The following RAP1GAP variants were observed in gnomAD, a reference collection of about 807,000 sequenced individuals.
The protein encoded by RAP1GAP is RAP1 GTPase activating protein.
In RAP1GAP, 35 loss-of-function variants were observed where a neutral mutation model predicts 87.2. The ratio of observed to expected loss-of-function variants is 0.40; its 90% confidence interval spans 0.31 to 0.53. The LOEUF (loss-of-function observed/expected upper bound fraction) is 0.53. Ranked by LOEUF, RAP1GAP falls within the 20% of genes least tolerant of loss-of-function variation. The pLI is 0.48. For synonymous variants in RAP1GAP, 375 were observed against 363.9 expected, an observed-to-expected ratio of 1.03 and a Z score of -0.35; for missense variants, 734 against 898.9, an observed-to-expected ratio of 0.82 and a Z score of 2.35.
In RAP1GAP at chr1:21,617,516, C is replaced by T. The variant is rs780021789; in HGVS notation, c.106-25G>A. 10 of 1,574,218 alleles carry T rather than the reference C, an allele frequency of 6.4e-6. No individual in the cohort carries two copies. In the African/African-American group the frequency reaches 1.3e-4, roughly 21 times the overall value. On this transcript the variant is annotated intron_variant, in intron 6 of 24. Coordinates refer to ENST00000374765, the MANE Select transcript of RAP1GAP (RefSeq NM_002885.4). ...CCTGAAGAGGGACTCAGCTGAGAGC[C>T]ACCCCACACTGTACCCCACTGGGCG... is the stretch of plus-strand genomic sequence containing the variant.
At position 21,622,272 on chromosome 1, in the gene RAP1GAP, C is replaced by A. The variant is rs10917024; in HGVS notation, c.-18-2222G>T. ...CCTGGCTGGGGCAGAGCCGGCCGGG[C>A]TCCCCAGCAGTCGGGGTGACCCAGC... On this transcript the variant is annotated intron_variant, in intron 3 of 24. Coordinates refer to ENST00000374765, the MANE Select transcript of RAP1GAP (RefSeq NM_002885.4). This position sits in a 1 kb window ranked among gnomAD's most constrained non-coding sequence, Gnocchi z 5.7. 4.1e-3 allele frequency: 1,847 copies of A among 454,982 alleles called. 27 individuals carry two copies. Among genetic ancestry groups the A allele is most frequent in the African/African-American group, 0.033 (1,599 of 48,080 alleles). 28.2% of individuals were successfully genotyped at this position (454,982 alleles called of 1,614,324 possible).
chr1:21,654,595 G>A (rs1316700566), intron 1 of RAP1GAP, among the ~76,000 whole-genome samples: 8 of 152,116 alleles, frequency 5.3e-5, no homozygotes, highest in African/African-American at 1.9e-4. Context: ...CACTTTGGGA[G>A]GCCGAATAGG....
intron 21 of RAP1GAP, 21 bp from the exon 22 acceptor site, chr1:21,598,523 G>A: frequency 6.3e-7 from 1 of 1,590,662 alleles, no homozygotes; most frequent in Non-Finnish European, 8.6e-7. Flanking sequence ...GGTGGAAAGA[G>A]GGAGGGAGGT....
intron 3 of RAP1GAP, among the ~76,000 whole-genome samples, chr1:21,625,482 G>A (rs758511826): frequency 2.0e-5 from 3 of 152,178 alleles, no homozygotes; most frequent in Non-Finnish European, 2.9e-5. Flanking sequence ...CCTCTGGTCA[G>A]ACAGCTTGCA....
chr1:21,611,938 C>T, intron 11 of RAP1GAP, 88 bp downstream of exon 11: 4 of 1,484,556 alleles, frequency 2.7e-6, no homozygotes, highest in African/African-American at 1.4e-5. Flanking sequence ...CTCCTGAGTC[C>T]CTTGGCCGGT....
At chr1:21,608,494 C>T (rs1445788255) in intron 16 of RAP1GAP, 144 bp from the exon 17 acceptor site, 3 of 1,151,428 alleles carry the variant, frequency 2.6e-6, no homozygotes, top group Non-Finnish European at 3.6e-6. Context: ...CCTGCACCGC[C>T]TTCCCCCAGG....
chr1:21,636,013 C>T (rs962633171), intron 2 of RAP1GAP, among the ~76,000 whole-genome samples: 21 of 152,340 alleles, frequency 1.4e-4, no homozygotes, highest in African/African-American at 4.1e-4. Context: ...TCTTCTAAGT[C>T]GCTTCTCTTC....
chr1:21,601,417 G>A (rs2068349341), intron 20 of RAP1GAP, among the ~76,000 whole-genome samples: 1 of 152,212 alleles, frequency 6.6e-6, no homozygotes, highest in Non-Finnish European at 1.5e-5. Flanking sequence ...AACAGCCTAT[G>A]AGGCCGCGTT....
Position 21,611,594 on chromosome 1 carries a change from C to T in RAP1GAP, c.714-13G>A. Reference sequence around the variant, plus strand: ...GCCTCCTCGGAACCTGCCCCGGGGCCCCCCAGGCCACGCCTCAGTCTCCAG... The same window carrying T: ...GCCTCCTCGGAACCTGCCCCGGGGCTCCCCAGGCCACGCCTCAGTCTCCAG... On this transcript the variant is annotated splice_polypyrimidine_tract_variant and intron_variant, in intron 12 of 24. Coordinates refer to ENST00000374765, the MANE Select transcript of RAP1GAP (RefSeq NM_002885.4). 6.2e-7 allele frequency: 1 copy of T among 1,614,024 alleles called. No individual in the cohort carries two copies.
intron 2 of RAP1GAP, 143 bp downstream of exon 2, chr1:21,649,618 G>T: frequency 2.1e-6 from 2 of 939,938 alleles, no homozygotes; most frequent in Non-Finnish European, 1.6e-6. Flanking sequence ...CAGTAAGAGG[G>T]TCTGCCCACC....
chr1:21,655,048 G>A (rs561153375), intron 1 of RAP1GAP, among the ~76,000 whole-genome samples: 12 of 151,428 alleles, frequency 7.9e-5, no homozygotes, highest in African/African-American at 2.9e-4. Flanking sequence ...GCTGAGACAG[G>A]AGAATTGCTT....
intron 17 of RAP1GAP, among the ~76,000 whole-genome samples, chr1:21,607,900 AC>A (rs1036888722): frequency 1.8e-5 from 2 of 111,864 alleles, no homozygotes; most frequent in African/African-American, 7.1e-5. Context: ...CCCTGACTCC[AC>A]CCCCAGCCAC....
At chr1:21,623,946 G>A (rs916510905) in intron 3 of RAP1GAP, among the ~76,000 whole-genome samples, 14 of 152,370 alleles carry the variant, frequency 9.2e-5, no homozygotes, top group African/African-American at 3.4e-4. Context: ...ACGACCGGAT[G>A]TGGCTGTATG....
intron 21 of RAP1GAP, 93 bp downstream of exon 21, chr1:21,599,401 C>T: frequency 1.3e-6 from 2 of 1,505,826 alleles, no homozygotes; most frequent in South Asian, 2.6e-5. Context: ...CTCAGCCACG[C>T]CCAGGCTCGT....
intron 2 of RAP1GAP, among the ~76,000 whole-genome samples, chr1:21,645,069 T>C (rs941976506): frequency 2.6e-5 from 4 of 152,200 alleles, no homozygotes; most frequent in African/African-American, 9.6e-5. Flanking sequence ...CCAAGCTCTC[T>C]GAGTATAGCG....
chr1:21,644,296 C>T (rs1043841842), intron 2 of RAP1GAP, among the ~76,000 whole-genome samples: 13 of 152,172 alleles, frequency 8.5e-5, no homozygotes, highest in African/African-American at 2.9e-4. Context: ...GGTTCAAACA[C>T]CCCCTCTTCA....
chr1:21,648,216 G>T (rs761568161), intron 2 of RAP1GAP, among the ~76,000 whole-genome samples: 11 of 152,188 alleles, frequency 7.2e-5, no homozygotes, highest in Non-Finnish European at 1.0e-4. Flanking sequence ...GAGGGGATGG[G>T]ACTCGCCCAA....
chr1:21,642,355 C>T (rs1476061323), intron 2 of RAP1GAP, among the ~76,000 whole-genome samples: 1 of 152,236 alleles, frequency 6.6e-6, no homozygotes, highest in African/African-American at 2.4e-5. Context: ...TGTGCCAGGC[C>T]CTGGTTTCAG....
In RAP1GAP at chr1:21,608,333, G is replaced by C. The variant is rs1316923948; in HGVS notation, c.1176C>G (p.Ala392=). ...GTTCCTCATAGAGCGTCTCCAGGAGGGCGGCCCGCGTCCGCTCCTGTGGGC... is the reference window on the plus strand; with the variant it reads ...GTTCCTCATAGAGCGTCTCCAGGAGCGCGGCCCGCGTCCGCTCCTGTGGGC... The part of the protein sequence containing the change: ...FAKLEERTRA[A]LLETLYEELH... The change falls in exon 17 of 25, where the codon GCC becomes GCG. Residue 392 remains alanine, a synonymous_variant. Coordinates refer to ENST00000374765, the MANE Select transcript of RAP1GAP (RefSeq NM_002885.4). 1.9e-6 allele frequency: 3 copies of C among 1,613,236 alleles called. No homozygotes were observed. The highest frequency in any genetic ancestry group is 2.5e-6 in the Non-Finnish European group (3 of 1,179,710).
Sources: gnomAD v4.1 joint callset for allele counts (sites outside exome capture counted in the v4.1 genomes callset) on GRCh38, gnomAD v4.1.1 for gene constraint, Gnocchi (gnomAD v3.1) non-coding constraint, MANE v1.5 for transcripts, NCBI Gene and HGNC (gene_info 2026-07-23, HGNC 2026-07-21) for gene names.